LIMCH1: variants seen among roughly 807,000 people sequenced by gnomAD.
The protein encoded by LIMCH1 is LIM and calponin homology domains-containing protein 1.
In LIMCH1, 113 loss-of-function variants were observed where a neutral mutation model predicts 176.5. The observed-to-expected ratio is 0.64, with a 90% CI of 0.55 to 0.75. The LOEUF (loss-of-function observed/expected upper bound fraction) is 0.75, where lower values mean the gene tolerates loss of function less well. LIMCH1 is among the 30% of genes least tolerant of loss of function. LIMCH1 has a pLI of 0.00. For missense variants in LIMCH1, 1,674 were observed against 1,814.9 expected (o/e 0.92, Z 1.41); for synonymous variants, 619 against 645.9 (o/e 0.96, Z 0.63).
At chr4:41,510,348 C>T (rs948077249) in intron 2 of LIMCH1, among the ~76,000 whole-genome samples, 2 of 152,176 alleles carry the variant, frequency 1.3e-5, no homozygotes, top group African/African-American at 4.8e-5. Flanking sequence ...TAGCCCATTG[C>T]CTGCCTGTGG....
intron 17 of LIMCH1, among the ~76,000 whole-genome samples, chr4:41,648,562 G>A (rs1231305805): frequency 6.6e-6 from 1 of 152,122 alleles, no homozygotes; most frequent in African/African-American, 2.4e-5. Flanking sequence ...CCATTACTGA[G>A]TGCATGGACA....
intron 7 of LIMCH1, 49 bp downstream of exon 7, chr4:41,620,739 G>A: frequency 6.7e-7 from 1 of 1,489,966 alleles, no homozygotes; most frequent in African/African-American, 1.4e-5. Context: ...GCATGCCTGG[G>A]GATTTGGAAT....
chr4:41,612,821 A>G, intron 4 of LIMCH1: 1 of 1,166,306 alleles, frequency 8.6e-7, no homozygotes. Context: ...GGCATCAGGA[A>G]AAGCGTTTTG....
intron 4 of LIMCH1, chr4:41,612,881 T>G: frequency 1.6e-6 from 2 of 1,273,138 alleles, no homozygotes; most frequent in Non-Finnish European, 2.1e-6. Flanking sequence ...AACTTTTGCC[T>G]CAGAAAGACA....
At chr4:41,613,021 A>T (rs2091631623) in intron 4 of LIMCH1, 2 of 1,552,032 alleles carry the variant, frequency 1.3e-6, no homozygotes, top group Non-Finnish European at 1.7e-6. Flanking sequence ...TATAAACAGG[A>T]GCAAAAGTTG....
chr4:41,417,607 A>G (rs560329245), intron 1 of LIMCH1, among the ~76,000 whole-genome samples: 72 of 152,124 alleles, frequency 4.7e-4, no homozygotes, highest in African/African-American at 1.7e-3. Flanking sequence ...TGCAATCTCC[A>G]CCTCCTGGGC....
rs1431009622 is a variant in LIMCH1, at chr4:41,699,022, T to A, written c.*1837T>A. On this transcript the variant is annotated 3_prime_UTR_variant, in exon 32 of 32. Coordinates refer to ENST00000503057, the MANE Select transcript of LIMCH1 (RefSeq NM_001330672.2). ...AAAAGAAAAAATTAAAAAGAAAAAT[T>A]GTTTTGAAAATGTACAGATCAAGTC... 6.6e-6 allele frequency: 1 copy of A among 152,104 alleles called. No homozygotes were observed. Among genetic ancestry groups the A allele is most frequent in the Non-Finnish European group, 1.5e-5 (1 of 67,958 alleles). 9.4% of individuals were successfully genotyped at this position (152,104 alleles called of 1,614,324 possible).
At chr4:41,393,077 C>A (rs1037861783) in intron 1 of LIMCH1, among the ~76,000 whole-genome samples, 2 of 152,018 alleles carry the variant, frequency 1.3e-5, no homozygotes, top group African/African-American at 4.8e-5. Flanking sequence ...TTTGGTCGAG[C>A]ACATGTAATT....
intron 1 of LIMCH1, among the ~76,000 whole-genome samples, chr4:41,403,809 C>T (rs1041103621): frequency 6.6e-6 from 1 of 152,142 alleles, no homozygotes; most frequent in African/African-American, 2.4e-5. Flanking sequence ...TTGTCATTAC[C>T]ATGGATTCTA....
rs746073213 is a variant in LIMCH1 at position 41,676,406 on chromosome 4, G to A, written c.3463G>A (p.Glu1155Lys). The change falls in exon 23 of 32, where the codon GAA becomes AAA. Residue 1155 changes from glutamate to lysine, a missense_variant. Physicochemically the swap from Glu to Lys is moderately conservative, Grantham distance 56. Around this residue, in one of 3 missense-constraint regions of LIMCH1, gnomAD observed 1,015 missense variants for 1,102.5 expected, o/e 0.92. Coordinates refer to ENST00000503057, the MANE Select transcript of LIMCH1 (RefSeq NM_001330672.2). ...TPFKFWAWDP[E>K]EERRRQEKWQ... ...GTTTAAGTTCTGGGCATGGGACCCA[G>A]AAGAGGAGCGCAGGCGACAGGAAAA... 1 of 1,614,078 alleles carries A rather than the reference G, an allele frequency of 6.2e-7. No individual in the cohort carries two copies. Among genetic ancestry groups the A allele is most frequent in the Non-Finnish European group, 8.5e-7 (1 of 1,179,938 alleles).
chr4:41,517,396 A>G (rs2075690311), intron 2 of LIMCH1, among the ~76,000 whole-genome samples: 1 of 152,202 alleles, frequency 6.6e-6, no homozygotes, highest in African/African-American at 2.4e-5. Flanking sequence ...GCTGTATTAC[A>G]GTACTGATAG....
At position 41,646,657 on chromosome 4, in the gene LIMCH1, T is replaced by C; in HGVS notation, c.2584T>C (p.Ser862Pro). The C allele has an allele frequency of 6.2e-7, 1 of 1,614,212 alleles. No homozygotes were observed. ...AAGCCATTCAACAGAGCCAAATTTA[T>C]CCTCCTTCCTGAATGACCCCAATCC... ...ERSHSTEPNL[S>P]SFLNDPNPMK... is the part of the protein sequence containing the mutation. The change falls in exon 17 of 32, where the codon TCC becomes CCC. Residue 862 changes from serine to proline, a missense_variant. Ser to Pro is a moderately conservative substitution (Grantham distance 74). This residue lies in a region of LIMCH1 where 1,015 missense variants were observed against 1,102.5 expected (regional missense o/e 0.92). Transcript: ENST00000503057.
Position 41,697,909 on chromosome 4 carries a change from C to T in LIMCH1, c.*724C>T, listed in dbSNP as rs752949213. ...TATCAGCTAGATTTACACTCCGGGA[C>T]GTTGCCCAAAGGTAGGAAGAAAGCA... On this transcript the variant is annotated 3_prime_UTR_variant, in exon 32 of 32. Coordinates refer to ENST00000503057, the MANE Select transcript of LIMCH1 (RefSeq NM_001330672.2). The T allele has an allele frequency of 1.3e-5, 2 of 152,032 alleles. No homozygotes were observed. Among genetic ancestry groups the T allele is most frequent in the Non-Finnish European group, 2.9e-5 (2 of 68,022 alleles). The allele number at this position is 152,032 out of a possible 1,614,324, so 9.4% of individuals were successfully genotyped here.
chr4:41,577,456 G>A (rs540445474), intron 1 of LIMCH1, among the ~76,000 whole-genome samples: 1 of 152,108 alleles, frequency 6.6e-6, no homozygotes, highest in Non-Finnish European at 1.5e-5. Context: ...TTGAGACAAG[G>A]TCTTGCTCTC....
intron 1 of LIMCH1, among the ~76,000 whole-genome samples, chr4:41,398,175 C>CTT (rs11412751): frequency 1.6e-4 from 23 of 141,048 alleles, no homozygotes; most frequent in Admixed American, 4.2e-4. Context: ...TAAGAGTTTT[C>CTT]TTTTTTTTTT....
intron 1 of LIMCH1, among the ~76,000 whole-genome samples, chr4:41,494,055 T>A (rs1452258209): frequency 2.0e-5 from 3 of 152,094 alleles, no homozygotes; most frequent in Non-Finnish European, 2.9e-5. Flanking sequence ...ATCCTCTGGA[T>A]GAAAGAGACT....
intron 1 of LIMCH1, among the ~76,000 whole-genome samples, chr4:41,489,061 T>C (rs2154171950): frequency 6.6e-6 from 1 of 152,308 alleles, no homozygotes; most frequent in South Asian, 2.1e-4. Context: ...AAGTTATTGG[T>C]ACAAATTTAT....
chr4:41,599,834 GA>G (rs2089605313), intron 2 of LIMCH1, among the ~76,000 whole-genome samples: 1 of 152,150 alleles, frequency 6.6e-6, no homozygotes, highest in Non-Finnish European at 1.5e-5. Context: ...TGAAGGAACA[GA>G]AAAGGGAGAG....
At chr4:41,675,569 C>T (rs1377846128) in intron 22 of LIMCH1, among the ~76,000 whole-genome samples, 1 of 152,128 alleles carries the variant, frequency 6.6e-6, no homozygotes, top group Non-Finnish European at 1.5e-5. Context: ...TGCCTGGGCA[C>T]CTACTCTGGG....
Sources: gnomAD v4.1 joint callset for allele counts (sites outside exome capture counted in the v4.1 genomes callset) on GRCh38, gnomAD v4.1.1 for gene constraint, gnomAD v4.1.1 regional missense constraint, MANE v1.5 for transcripts, NCBI Gene and HGNC (gene_info 2026-07-23, HGNC 2026-07-21) for gene names.